PHLDB1: variants seen among roughly 807,000 people sequenced by gnomAD.
The protein encoded by PHLDB1 is pleckstrin homology like domain family B member 1.
A neutral mutation model predicts 139.3 loss-of-function variants in PHLDB1; 65 were observed. That is an observed-to-expected ratio of 0.47 (90% CI 0.38 to 0.57). The LOEUF (loss-of-function observed/expected upper bound fraction) is 0.57. Among genes scored for constraint, PHLDB1 ranks in the 20% least tolerant of loss-of-function variants. The probability of loss-of-function intolerance (pLI) is 0.00; values close to 1 mark genes in which losing one functional copy is unlikely to be tolerated. For missense variants in PHLDB1, 1,624 were observed against 1,839.7 expected (o/e 0.88, Z 2.14); for synonymous variants, 679 against 734.5 (o/e 0.92, Z 1.22).
chr11:118,609,331 C>A (rs1383258305), intron 1 of PHLDB1, among the ~76,000 whole-genome samples: 12 of 80,660 alleles, frequency 1.5e-4, no homozygotes, highest in Non-Finnish European at 2.8e-4. Context: ...CACAGCCCAG[C>A]TCACACACAC....
intron 12 of PHLDB1, 134 bp downstream of exon 12, chr11:118,639,385 G>A (rs1946157666): frequency 1.4e-6 from 1 of 694,028 alleles, no homozygotes; most frequent in Non-Finnish European, 2.6e-6. Context: ...ATTTGAGGAG[G>A]AATGGCCCCA....
Position 118,628,427 on chromosome 11 carries a change from G to C in PHLDB1, c.1604G>C (p.Ser535Thr), listed in dbSNP as rs1555106367. 6.2e-7 allele frequency: 1 copy of C among 1,609,484 alleles called. No individual in the cohort carries two copies. The highest frequency in any genetic ancestry group is 8.5e-7 in the Non-Finnish European group (1 of 1,178,404). Residue 535 changes from serine (S) to threonine (T), a missense_variant, in exon 6 of 23, where the codon AGT (serine) becomes ACT (threonine). Coordinates refer to ENST00000600882, the MANE Select transcript of PHLDB1 (RefSeq NM_001144758.3). ...ESLAPHKGSF[S>T]GRLSPAYSLG... ...CTGGCACCCCACAAGGGCAGCTTCA[G>C]TGGCAGGCTGAGCCCAGCCTACAGT... is the stretch of plus-strand genomic sequence containing the variant.
chr11:118,619,090 C>G (rs1028553179), intron 4 of PHLDB1, among the ~76,000 whole-genome samples: 2 of 152,114 alleles, frequency 1.3e-5, no homozygotes, highest in Admixed American at 1.3e-4. Context: ...GGGAATAGGA[C>G]CAAGGGAATG....
At chr11:118,630,911 AAAAAG>A (rs1944697225) in intron 6 of PHLDB1, among the ~76,000 whole-genome samples, 1 of 151,432 alleles carries the variant, frequency 6.6e-6, no homozygotes, top group African/African-American at 2.4e-5. Flanking sequence ...GGTAGACTGA[AAAAAG>A]AAAGGAACAG....
At chr11:118,641,854 TCACCTGGCCTCTTGGCTCTGGGCCAGCC>T in intron 12 of PHLDB1, 2 of 1,183,882 alleles carry the variant, frequency 1.7e-6, no homozygotes, top group Non-Finnish European at 2.2e-6. Flanking sequence ...TTGCTCCTGC[TCACCTGGCCTCTTGGCTCTGGGCCAGCC>T]CAAGGGGAGT....
intron 10 of PHLDB1, 79 bp from the exon 11 acceptor site, chr11:118,638,812 G>A (rs1946051845): frequency 1.9e-6 from 2 of 1,059,338 alleles, no homozygotes; most frequent in East Asian, 2.6e-5. Flanking sequence ...TGAGTGTCTG[G>A]GCAGGAGAGC....
rs1555104638 is a variant in PHLDB1, at chr11:118,627,971, A to G, written c.1148A>G (p.Lys383Arg). The G allele has an allele frequency of 1.2e-6, 2 of 1,613,732 alleles. No homozygotes were observed. The highest frequency in any genetic ancestry group is 1.3e-5 in the African/African-American group (1 of 74,904). Reference sequence around the variant, plus strand: ...CCCACCAGCATTCCTGGCAGCCCCAAGTTTCAGCCTCCAGTCCCTGCTCCC... The same window carrying G: ...CCCACCAGCATTCCTGGCAGCCCCAGGTTTCAGCCTCCAGTCCCTGCTCCC... ...SQPTSIPGSP[K>R]FQPPVPAPRN... Residue 383 changes from lysine (K) to arginine (R), a missense_variant, in exon 6 of 23, where the codon AAG (lysine) becomes AGG (arginine). Coordinates refer to ENST00000600882, the MANE Select transcript of PHLDB1 (RefSeq NM_001144758.3).
chr11:118,616,269 G>A, intron 4 of PHLDB1, 58 bp downstream of exon 4: 6 of 1,493,064 alleles, frequency 4.0e-6, no homozygotes, highest in Non-Finnish European at 4.6e-6. Flanking sequence ...GTGTGTATTA[G>A]GCACAGGGGA....
At chr11:118,607,222 G>A (rs540572179), upstream of PHLDB1, among the ~76,000 whole-genome samples, 56 of 150,808 alleles carry the variant, frequency 3.7e-4, no homozygotes, top group Admixed American at 6.6e-4. Context: ...GAGTTTGGGG[G>A]AGGGAGAACG....
chr11:118,615,971 C>A, intron 3 of PHLDB1, 70 bp from the exon 4 acceptor site: 1 of 1,270,024 alleles, frequency 7.9e-7, no homozygotes, highest in Non-Finnish European at 1.1e-6. Flanking sequence ...TCCACTGTGG[C>A]CCTCCTTGCC....
chr11:118,644,797 AG>A (rs1947200190), intron 15 of PHLDB1: 2 of 681,416 alleles, frequency 2.9e-6, no homozygotes, highest in Non-Finnish European at 4.4e-6. Context: ...GCAGGGTCCC[AG>A]GCTGAGCTGG....
chr11:118,629,678 C>G (rs782256273), intron 6 of PHLDB1, among the ~76,000 whole-genome samples: 1 of 152,092 alleles, frequency 6.6e-6, no homozygotes, highest in Non-Finnish European at 1.5e-5. Context: ...TGAGATGAGG[C>G]GGATCCCATC....
Position 118,620,230 on chromosome 11 carries a change from C to A in PHLDB1, c.355+4019C>A, listed in dbSNP as rs959736903. Among the ~76,000 whole-genome samples the A allele has an allele frequency of 6.6e-6, 1 of 152,234 alleles. No homozygotes were observed. Among genetic ancestry groups the A allele is most frequent in the Non-Finnish European group, 1.5e-5 (1 of 68,046 alleles). ...TGACTGGGCCGGGTGCAGTGGCTCA[C>A]GCCTGTAATCCCAACACTTTGGGAG... On this transcript the variant is annotated intron_variant, in intron 4 of 22. Transcript: ENST00000600882. The surrounding 1 kb of genome is among the most constrained non-coding windows in gnomAD (Gnocchi z 4.1).
chr11:118,648,483 T>C (rs1486070999), intron 18 of PHLDB1, among the ~76,000 whole-genome samples: 1 of 152,006 alleles, frequency 6.6e-6, no homozygotes, highest in Non-Finnish European at 1.5e-5. Context: ...CAGATCCGCT[T>C]CATGAGCCTG....
In PHLDB1 at chr11:118,645,249, T is replaced by C; in HGVS notation, c.3122-107T>C. 1 of 814,638 alleles carries C rather than the reference T, an allele frequency of 1.2e-6. No individual in the cohort carries two copies. Among genetic ancestry groups the C allele is most frequent in the Non-Finnish European group, 1.9e-6 (1 of 533,310 alleles). 50.5% of individuals were successfully genotyped at this position (814,638 alleles called of 1,614,324 possible). ...GCTGCGGGGAGAGGGGGCTGCTCTG[T>C]GTTAACCTCTCCCTGCTTGCCCCTC... is the stretch of plus-strand genomic sequence containing the variant. On this transcript the variant is annotated intron_variant, in intron 15 of 22. Transcript: ENST00000600882. This position sits in a 1 kb window ranked among gnomAD's most constrained non-coding sequence, Gnocchi z 5.1.
chr11:118,657,638 CG>C lies in PHLDB1; in HGVS notation c.*820del. ...TGCTTAGAGCCAGAAGGGATGAAGC[CG>C]GGGGATCTATGGAACAGAGGAGGAG... On this transcript the variant is annotated 3_prime_UTR_variant, in exon 23 of 23. Transcript: ENST00000600882. 2 of 153,558 alleles carry C rather than the reference CG, an allele frequency of 1.3e-5. No individual in the cohort carries two copies. The highest frequency in any genetic ancestry group is 2.9e-5 in the Non-Finnish European group (2 of 68,752). 9.5% of individuals were successfully genotyped at this position (153,558 alleles called of 1,614,324 possible).
chr11:118,649,471 C>A (rs1948047417), intron 18 of PHLDB1, among the ~76,000 whole-genome samples: 2 of 152,122 alleles, frequency 1.3e-5, no homozygotes, highest in African/African-American at 4.8e-5. Flanking sequence ...TGGGTAGAAT[C>A]AGCTATCTGT....
intron 12 of PHLDB1, 46 bp from the exon 13 acceptor site, chr11:118,642,208 A>C (rs576256062): frequency 6.4e-7 from 1 of 1,570,830 alleles, no homozygotes; most frequent in Non-Finnish European, 8.7e-7. Flanking sequence ...TTTCCTCTCC[A>C]TCCTCCCCTC....
At chr11:118,617,881 G>A (rs1941971587) in intron 4 of PHLDB1, among the ~76,000 whole-genome samples, 1 of 152,076 alleles carries the variant, frequency 6.6e-6, no homozygotes, top group Non-Finnish European at 1.5e-5. Context: ...TGGGAGCATG[G>A]AGATGAGACA....
Sources: gnomAD v4.1 joint callset for allele counts (sites outside exome capture counted in the v4.1 genomes callset) on GRCh38, gnomAD v4.1.1 for gene constraint, Gnocchi (gnomAD v3.1) non-coding constraint, MANE v1.5 for transcripts, NCBI Gene and HGNC (gene_info 2026-07-23, HGNC 2026-07-21) for gene names.